Variants in NAV3 observed in about 807,000 individuals in gnomAD.
NAV3 encodes pore membrane and/or filament interacting like protein 1.
Under a neutral mutation model 244.7 loss-of-function variants are expected in NAV3, and 87 were observed. The observed-to-expected ratio is 0.36, with a 90% CI of 0.30 to 0.42. The LOEUF is 0.42. Among genes scored for constraint, NAV3 ranks in the 20% least tolerant of loss-of-function variants. The probability of loss-of-function intolerance (pLI) is 1.00; values close to 1 mark genes in which losing one functional copy is unlikely to be tolerated. For synonymous variants in NAV3, 1,126 were observed against 1,042.2 expected, an observed-to-expected ratio of 1.08 and a Z score of -1.55; for missense variants, 2,663 against 2,893.3, an observed-to-expected ratio of 0.92 and a Z score of 1.83.
chr12:77,648,195 A>G (rs1872681765), intron 2 of NAV3, among the ~76,000 whole-genome samples: 1 of 152,156 alleles, frequency 6.6e-6, no homozygotes, highest in Non-Finnish European at 1.5e-5. Context: ...GGGGAGTATA[A>G]GAGCCAAGAA....
At chr12:77,965,129 A>G (rs1892398030) in intron 3 of NAV3, among the ~76,000 whole-genome samples, 1 of 152,184 alleles carries the variant, frequency 6.6e-6, no homozygotes, top group Admixed American at 6.5e-5. Context: ...TTTATTGTAG[A>G]ATCTAAAGAT....
chr12:78,045,371 C>T (rs113164408), intron 9 of NAV3, among the ~76,000 whole-genome samples: 8,701 of 152,162 alleles, frequency 0.057, 718 homozygotes, highest in African/African-American at 0.19. Context: ...TCTCAGCTCA[C>T]TGCAACCTCC....
At chr12:77,885,725 G>A (rs1043585538) in intron 1 of NAV3, among the ~76,000 whole-genome samples, 1 of 152,080 alleles carries the variant, frequency 6.6e-6, no homozygotes, top group African/African-American at 2.4e-5. Context: ...ACATTAGAGT[G>A]TCCACATTCT....
At chr12:77,629,744 A>G (rs1057067307) in intron 2 of NAV3, among the ~76,000 whole-genome samples, 2 of 152,186 alleles carry the variant, frequency 1.3e-5, no homozygotes, top group African/African-American at 4.8e-5. Flanking sequence ...ACTTTTGTAC[A>G]TTAGTTAAAA....
At chr12:77,708,358 A>C (rs1239245936) in intron 2 of NAV3, among the ~76,000 whole-genome samples, 1 of 152,220 alleles carries the variant, frequency 6.6e-6, no homozygotes, top group African/African-American at 2.4e-5. Flanking sequence ...GTCAAAGATC[A>C]GATGGTTGTA....
rs369402660 is a variant in NAV3 at position 78,210,544 on chromosome 12, C to T, written c.*27C>T. Reference sequence around the variant, plus strand: ...GGGTGAAAAAAGTTAAGGGAAAAGACTTTGCTTTTAAAAAAATGTTTCAAA... The same window carrying T: ...GGGTGAAAAAAGTTAAGGGAAAAGATTTTGCTTTTAAAAAAATGTTTCAAA... On this transcript the variant is annotated 3_prime_UTR_variant, in exon 40 of 40. Coordinates refer to ENST00000397909, the MANE Select transcript of NAV3 (RefSeq NM_001024383.2). The T allele has an allele frequency of 1.9e-6, 3 of 1,601,268 alleles. No homozygotes were observed. The highest frequency in any genetic ancestry group is 2.6e-6 in the Non-Finnish European group (3 of 1,175,710).
At chr12:78,093,921 CCTCAAACACTTGGG>C (rs998057752) in intron 12 of NAV3, among the ~76,000 whole-genome samples, 57 of 152,142 alleles carry the variant, frequency 3.7e-4, no homozygotes, top group Middle Eastern at 6.8e-3. Flanking sequence ...TTCAGTGCAG[CCTCAAACACTTGGG>C]CTCAAACACT....
chr12:77,669,291 GA>G (rs1025729699), intron 2 of NAV3, among the ~76,000 whole-genome samples: 5 of 151,662 alleles, frequency 3.3e-5, no homozygotes, highest in African/African-American at 1.2e-4. Flanking sequence ...ACACAATGAA[GA>G]AAAAAACAAC....
At position 77,758,900 on chromosome 12, in the gene NAV3, T is replaced by C. The variant is rs146846491; in HGVS notation, c.73-181419T>C. ...GGTTTTTTATTTAAGAGGCTAGGAT[T>C]TTTCATTTAAGCCAAAGCATCATTT... On this transcript the variant is annotated intron_variant, in intron 2 of 8. Transcript: ENST00000550042. Among the ~76,000 whole-genome samples the C allele has an allele frequency of 2.8e-3, 426 of 152,354 alleles. 5 individuals are homozygous for C. The East Asian group carries it at 0.037, about 13-fold the overall frequency.
chr12:77,988,487 G>C (rs1352820167), intron 5 of NAV3, among the ~76,000 whole-genome samples: 1 of 152,106 alleles, frequency 6.6e-6, no homozygotes, highest in Non-Finnish European at 1.5e-5. Flanking sequence ...AGTTGACTGT[G>C]TATAGTTTTC....
chr12:77,580,083 G>C (rs1277436765), intron 2 of NAV3, among the ~76,000 whole-genome samples: 1 of 152,028 alleles, frequency 6.6e-6, no homozygotes, highest in Non-Finnish European at 1.5e-5. Flanking sequence ...GTGTTGAATG[G>C]CTTCCTAGTT....
At chr12:77,723,126 A>G (rs563173223) in intron 2 of NAV3, among the ~76,000 whole-genome samples, 1 of 152,102 alleles carries the variant, frequency 6.6e-6, no homozygotes, top group South Asian at 2.1e-4. Context: ...ATTCAGAGAG[A>G]CAGAGACATA....
intron 34 of NAV3, among the ~76,000 whole-genome samples, chr12:78,194,912 A>G (rs1022902221): frequency 6.6e-6 from 1 of 152,124 alleles, no homozygotes; most frequent in Non-Finnish European, 1.5e-5. Flanking sequence ...TACATTTTCC[A>G]GACGCTACAA....
Position 77,608,475 on chromosome 12 carries a change from T to C in NAV3, c.72+36209T>C, listed in dbSNP as rs530587716. Among the ~76,000 whole-genome samples, 7 of 152,196 alleles carry C rather than the reference T, an allele frequency of 4.6e-5. 1 individual carries two copies. The highest frequency in any genetic ancestry group is 1.7e-4 in the African/African-American group (7 of 41,552). ...AATTTAAGCAGACTGTTATATCCTA[T>C]GTGCAAAATATTTGCTTTATTTTAG... On this transcript the variant is annotated intron_variant, in intron 2 of 8. Coordinates refer to the NAV3 transcript ENST00000550042.
At chr12:77,713,969 T>C (rs940439911) in intron 2 of NAV3, among the ~76,000 whole-genome samples, 4 of 152,156 alleles carry the variant, frequency 2.6e-5, no homozygotes, top group African/African-American at 9.7e-5. Context: ...CATCATTACT[T>C]TGTATAATAT....
At chr12:77,632,229 C>G (rs1037583423) in intron 2 of NAV3, among the ~76,000 whole-genome samples, 1 of 152,120 alleles carries the variant, frequency 6.6e-6, no homozygotes, top group Non-Finnish European at 1.5e-5. Context: ...AAAAATGAAG[C>G]ATGCTTTTGA....
At chr12:78,007,496 A>G (rs1874448051) in intron 8 of NAV3, 51 bp downstream of exon 8, 5 of 1,547,120 alleles carry the variant, frequency 3.2e-6, no homozygotes, top group Non-Finnish European at 4.4e-6. Context: ...ACAGGCCTAC[A>G]TACTCAGAGT....
intron 22 of NAV3, among the ~76,000 whole-genome samples, chr12:78,152,847 A>C (rs1422217016): frequency 3.3e-5 from 5 of 152,012 alleles, no homozygotes; most frequent in African/African-American, 1.2e-4. Context: ...TTCACAGTAC[A>C]AGTAAACTTT....
At chr12:77,930,045 C>T (rs1372708089) in intron 1 of NAV3, among the ~76,000 whole-genome samples, 3 of 152,062 alleles carry the variant, frequency 2.0e-5, no homozygotes, top group Non-Finnish European at 2.9e-5. Flanking sequence ...CAAGAGCAGT[C>T]CTATCCCTAG....
Sources: gnomAD v4.1 joint callset for allele counts (sites outside exome capture counted in the v4.1 genomes callset) on GRCh38, gnomAD v4.1.1 for gene constraint, MANE v1.5 for transcripts, NCBI Gene and HGNC (gene_info 2026-07-23, HGNC 2026-07-21) for gene names.